The following LRRC27 variants were observed in gnomAD, a reference collection of about 807,000 sequenced individuals.
LRRC27 encodes the protein leucine-rich repeat-containing protein 27.
LRRC27 carries 57 observed loss-of-function variants against 55.0 expected under a neutral mutation model. The observed-to-expected ratio is 1.04, with a 90% CI of 0.84 to 1.29. The LOEUF is 1.29. Ranked by LOEUF, LRRC27 falls within the 50% of genes most tolerant of loss-of-function variation. LRRC27 has a pLI of 0.00. For synonymous variants in LRRC27, 278 were observed against 251.9 expected, an observed-to-expected ratio of 1.10 and a Z score of -0.98; for missense variants, 721 against 651.5, an observed-to-expected ratio of 1.11 and a Z score of -1.16.
At chr10:132,336,553 C>T (rs2067143571) in intron 2 of LRRC27, among the ~76,000 whole-genome samples, 1 of 152,214 alleles carries the variant, frequency 6.6e-6, no homozygotes, top group Non-Finnish European at 1.5e-5. Context: ...GCATGTGGTG[C>T]TCTGTGCAAT....
rs1229332336 is a variant in LRRC27 at position 132,348,945 on chromosome 10, T to C, written c.926+589T>C. On this transcript the variant is annotated intron_variant, in intron 6 of 10. Coordinates refer to ENST00000368614, the MANE Select transcript of LRRC27 (RefSeq NM_030626.3). The surrounding 1 kb of genome is among the most constrained non-coding windows in gnomAD (Gnocchi z 4.2). ...AGTGAGTTTGGGGGCCGAGATTTTA[T>C]TTTCCTTTCACACCCAGGACAAGGG... The C allele has an allele frequency of 6.4e-7, 1 of 1,574,278 alleles. No homozygotes were observed. Among genetic ancestry groups the C allele is most frequent in the East Asian group, 2.3e-5 (1 of 43,338 alleles).
At chr10:132,344,400 CAT>C (rs2067571199) in intron 4 of LRRC27, 96 bp from the exon 5 acceptor site, 1 of 1,273,940 alleles carries the variant, frequency 7.8e-7, no homozygotes, top group African/African-American at 1.5e-5. Context: ...TGAATAGAAT[CAT>C]ATTTTAAAAT....
At chr10:132,351,501 G>T (rs892343733) in intron 6 of LRRC27, 106 bp from the exon 7 acceptor site, 44 of 1,275,240 alleles carry the variant, frequency 3.5e-5, no homozygotes, top group Non-Finnish European at 4.7e-5. Context: ...TAATTGTTCA[G>T]ATGAGCGGAT....
intron 9 of LRRC27, among the ~76,000 whole-genome samples, chr10:132,364,492 C>T (rs2068879428): frequency 1.4e-5 from 2 of 138,588 alleles, no homozygotes; most frequent in Non-Finnish European, 1.5e-5. Flanking sequence ...CACACTTACA[C>T]CCACCCTTAC....
chr10:132,339,708 A>C (rs956078096), intron 3 of LRRC27, among the ~76,000 whole-genome samples: 3 of 152,216 alleles, frequency 2.0e-5, no homozygotes, highest in African/African-American at 7.2e-5. Context: ...TGGGTTTAGA[A>C]TCACTGGGTG....
chr10:132,365,483 A>T lies in LRRC27; in HGVS notation c.1349A>T (p.Glu450Val), dbSNP rs1564856357. The change falls in exon 10 of 11, where the codon GAG becomes GTG. Residue 450 changes from glutamate (E) to valine (V), a missense_variant. Coordinates refer to ENST00000368614, the MANE Select transcript of LRRC27 (RefSeq NM_030626.3). ...AAACAGCACGTCCTCCAAATGCGTG[A>T]GCAAAGAAGATTCCATGGCCAGGCC... The part of the protein sequence containing the change: ...KIKQHVLQMR[E>V]QRRFHGQAPL... 1 of 1,613,744 alleles carries T rather than the reference A, an allele frequency of 6.2e-7. No homozygotes were observed. The highest frequency in any genetic ancestry group is 8.5e-7 in the Non-Finnish European group (1 of 1,180,008).
chr10:132,336,762 A>G (rs1316207945), intron 2 of LRRC27: 2 of 772,748 alleles, frequency 2.6e-6, no homozygotes, highest in East Asian at 2.4e-5. Flanking sequence ...CTTTGAGATC[A>G]TTGTTCCGAA....
intron 9 of LRRC27, among the ~76,000 whole-genome samples, chr10:132,362,918 CA>C (rs2068707659): frequency 1.3e-5 from 1 of 79,898 alleles, no homozygotes; most frequent in Non-Finnish European, 2.7e-5. Context: ...CGCAGCAGCT[CA>C]GGAGTATGGG....
chr10:132,343,207 T>G (rs139719718), intron 4 of LRRC27, among the ~76,000 whole-genome samples: 2 of 152,110 alleles, frequency 1.3e-5, no homozygotes, highest in Admixed American at 6.5e-5. Context: ...CCTAGGTACT[T>G]AGGAGGCTGA....
At chr10:132,337,828 C>G in intron 3 of LRRC27, 133 bp downstream of exon 3, 1 of 1,094,966 alleles carries the variant, frequency 9.1e-7, no homozygotes, top group South Asian at 1.6e-5. Context: ...ATTTTTAAAG[C>G]CAGCTAAGAG....
At chr10:132,364,476 C>CCT (rs2068870773) in intron 9 of LRRC27, among the ~76,000 whole-genome samples, 1 of 128,120 alleles carries the variant, frequency 7.8e-6, no homozygotes, top group African/African-American at 3.1e-5. Flanking sequence ...CACACTTACA[C>CCT]CCACCCACAC....
intron 7 of LRRC27, among the ~76,000 whole-genome samples, chr10:132,355,383 G>A (rs1208768376): frequency 1.3e-5 from 2 of 152,232 alleles, no homozygotes; most frequent in African/African-American, 4.8e-5. Flanking sequence ...GGGACTTAGA[G>A]ACAGGCATTC....
chr10:132,356,119 C>T (rs1222568284), intron 8 of LRRC27, among the ~76,000 whole-genome samples: 3 of 152,220 alleles, frequency 2.0e-5, no homozygotes, highest in Non-Finnish European at 4.4e-5. Context: ...TGCTCACTGC[C>T]CAGCCGGAGG....
intron 9 of LRRC27, among the ~76,000 whole-genome samples, chr10:132,365,164 G>C (rs1329146252): frequency 1.3e-5 from 2 of 152,240 alleles, no homozygotes; most frequent in Non-Finnish European, 2.9e-5. Flanking sequence ...AATAAGAATA[G>C]TGTGTGTTCT....
At chr10:132,353,344 C>A (rs1173296478) in intron 7 of LRRC27, 2 of 1,090,428 alleles carry the variant, frequency 1.8e-6, no homozygotes, top group South Asian at 2.8e-5. Context: ...TCTTGCACCG[C>A]CCCTGTGGCT....
At chr10:132,335,479 G>T (rs1234779466) in intron 2 of LRRC27, among the ~76,000 whole-genome samples, 2 of 150,826 alleles carry the variant, frequency 1.3e-5, no homozygotes, top group Admixed American at 1.3e-4. Flanking sequence ...GTACTATGGG[G>T]GGGGGTCACA....
Position 132,344,782 on chromosome 10 carries a change from A to C in LRRC27, c.553+132A>C, listed in dbSNP as rs1056612316. 4 of 897,684 alleles carry C rather than the reference A, an allele frequency of 4.5e-6. No individual in the cohort carries two copies. In the African/African-American group the frequency reaches 6.7e-5, roughly 15 times the overall value. 55.6% of individuals were successfully genotyped at this position (897,684 alleles called of 1,614,324 possible). ...GAGCCATGGGTCCTCTGCTGAGTTG[A>C]CACAGTGTACACTGATCTCAGGCCG... On this transcript the variant is annotated intron_variant, in intron 5 of 10. Transcript: ENST00000368614.
intron 3 of LRRC27, among the ~76,000 whole-genome samples, chr10:132,338,008 C>T (rs887453629): frequency 1.3e-5 from 2 of 152,162 alleles, no homozygotes; most frequent in Admixed American, 1.3e-4. Context: ...TCAGAAATAC[C>T]TCTGATGAGT....
rs899651337 is a variant in LRRC27, at chr10:132,380,971, T to G, written c.*5729T>G. On this transcript the variant is annotated 3_prime_UTR_variant, in exon 11 of 11. Transcript: ENST00000368614. Reference sequence around the variant, plus strand: ...ACTTTCTGTGAAATACCTTTTTATCTTGTATTGGGAATGCAGCTTTTATGT... The same window carrying G: ...ACTTTCTGTGAAATACCTTTTTATCGTGTATTGGGAATGCAGCTTTTATGT... Among the ~76,000 whole-genome samples the G allele has an allele frequency of 1.3e-5, 2 of 152,240 alleles. No individual in the cohort carries two copies. The highest frequency in any genetic ancestry group is 4.8e-5 in the African/African-American group (2 of 41,464).
Sources: gnomAD v4.1 joint callset for allele counts (sites outside exome capture counted in the v4.1 genomes callset) on GRCh38, gnomAD v4.1.1 for gene constraint, Gnocchi (gnomAD v3.1) non-coding constraint, MANE v1.5 for transcripts, NCBI Gene and HGNC (gene_info 2026-07-23, HGNC 2026-07-21) for gene names.